The following ADGRA3 variants were observed in gnomAD, a reference collection of about 807,000 sequenced individuals.
ADGRA3 encodes adhesion G protein-coupled receptor A3.
In ADGRA3, 56 loss-of-function variants were observed where a neutral mutation model predicts 119.8. That is an observed-to-expected ratio of 0.47 (90% CI 0.38 to 0.58). The LOEUF is 0.58. Ranked by LOEUF, ADGRA3 falls within the 20% of genes least tolerant of loss-of-function variation. The probability of loss-of-function intolerance (pLI) is 0.00; values close to 1 mark genes in which losing one functional copy is unlikely to be tolerated. For missense variants in ADGRA3, 1,516 were observed against 1,649.0 expected (o/e 0.92, Z 1.40); for synonymous variants, 607 against 623.8 (o/e 0.97, Z 0.40).
At chr4:22,478,655 T>C (rs1718139396) in intron 1 of ADGRA3, among the ~76,000 whole-genome samples, 3 of 152,098 alleles carry the variant, frequency 2.0e-5, no homozygotes. Context: ...AAAAAAGTGT[T>C]TGTGGTTGTA....
At chr4:22,462,044 T>C (rs2109102685) in intron 2 of ADGRA3, among the ~76,000 whole-genome samples, 1 of 152,256 alleles carries the variant, frequency 6.6e-6, no homozygotes, top group Non-Finnish European at 1.5e-5. Flanking sequence ...AAAATATACG[T>C]CATAAAAGAA....
At chr4:22,514,405 T>G (rs1347825305) in intron 1 of ADGRA3, 1 of 152,146 alleles carries the variant, frequency 6.6e-6, no homozygotes, top group Non-Finnish European at 1.5e-5. Context: ...GTTTCCTAAT[T>G]CAAAAAATGG....
At chr4:22,399,997 T>C (rs1714543209) in intron 16 of ADGRA3, among the ~76,000 whole-genome samples, 2 of 152,208 alleles carry the variant, frequency 1.3e-5, no homozygotes, top group South Asian at 4.1e-4. Context: ...TGAACATTTT[T>C]CATTATTTCT....
chr4:22,465,928 C>T (rs1717641586), intron 2 of ADGRA3, among the ~76,000 whole-genome samples: 1 of 152,068 alleles, frequency 6.6e-6, no homozygotes, highest in Admixed American at 6.6e-5. Context: ...TATGTGGTAA[C>T]CCCCACCCTT....
At chr4:22,455,058 A>G in intron 3 of ADGRA3, 121 bp from the exon 4 acceptor site, 1 of 690,712 alleles carries the variant, frequency 1.4e-6, no homozygotes. Flanking sequence ...AGCAACTTTG[A>G]GATATTTACT....
At chr4:22,411,779 C>T (rs200270181) in intron 14 of ADGRA3, among the ~76,000 whole-genome samples, 1 of 151,936 alleles carries the variant, frequency 6.6e-6, no homozygotes, top group African/African-American at 2.4e-5. Context: ...TACAAATATA[C>T]AAATATAGCC....
At chr4:22,489,494 T>C (rs879425623) in intron 1 of ADGRA3, among the ~76,000 whole-genome samples, 20 of 152,012 alleles carry the variant, frequency 1.3e-4, no homozygotes, top group Non-Finnish European at 2.4e-4. Flanking sequence ...AACAAAAACA[T>C]AATGTATAAA....
chr4:22,435,521 C>T (rs1716360535), intron 9 of ADGRA3, 55 bp from the exon 10 acceptor site: 5 of 1,436,876 alleles, frequency 3.5e-6, no homozygotes, highest in Non-Finnish European at 4.8e-6. Context: ...AAATGATCAA[C>T]ACAATCCTGA....
chr4:22,453,396 C>T (rs1482588338), intron 4 of ADGRA3, among the ~76,000 whole-genome samples: 1 of 152,072 alleles, frequency 6.6e-6, no homozygotes, highest in East Asian at 1.9e-4. Flanking sequence ...AGGCCATATA[C>T]CTTTCCCTGA....
intron 1 of ADGRA3, among the ~76,000 whole-genome samples, chr4:22,509,288 G>A (rs1373339120): frequency 1.3e-5 from 2 of 151,914 alleles, no homozygotes; most frequent in African/African-American, 4.8e-5. Context: ...AGATCACGAG[G>A]TCAGCAGTTC....
At chr4:22,472,385 A>AT (rs1202491617) in intron 2 of ADGRA3, among the ~76,000 whole-genome samples, 11 of 152,192 alleles carry the variant, frequency 7.2e-5, no homozygotes, top group African/African-American at 2.7e-4. Context: ...TGGAATGTGT[A>AT]TGAAGGACCG....
At chr4:22,478,458 T>C (rs1047074926) in intron 1 of ADGRA3, among the ~76,000 whole-genome samples, 2 of 152,186 alleles carry the variant, frequency 1.3e-5, no homozygotes, top group Admixed American at 6.5e-5. Flanking sequence ...TTTAAAAATA[T>C]ATTTCAAGAG....
intron 1 of ADGRA3, among the ~76,000 whole-genome samples, chr4:22,487,047 GGCTATTGT>G (rs1277821933): frequency 2.6e-5 from 4 of 152,162 alleles, no homozygotes; most frequent in East Asian, 3.9e-4. Context: ...AACCAGGCTG[GGCTATTGT>G]GCTCTCTCCT....
At chr4:22,421,488 G>A (rs992990135) in intron 11 of ADGRA3, among the ~76,000 whole-genome samples, 14 of 152,266 alleles carry the variant, frequency 9.2e-5, no homozygotes, top group Admixed American at 3.3e-4. Context: ...AAGAATGAGA[G>A]CTAAATATTA....
At chr4:22,475,752 A>G (rs909282242) in intron 1 of ADGRA3, among the ~76,000 whole-genome samples, 1 of 152,010 alleles carries the variant, frequency 6.6e-6, no homozygotes, top group African/African-American at 2.4e-5. Flanking sequence ...TAAATAAAAA[A>G]AAAAGAATGA....
At chr4:22,499,930 T>A (rs964570959) in intron 1 of ADGRA3, among the ~76,000 whole-genome samples, 2 of 152,154 alleles carry the variant, frequency 1.3e-5, no homozygotes, top group Non-Finnish European at 2.9e-5. Context: ...TGTTTCTGAT[T>A]TCGCCTTTTT....
chr4:22,515,479 T>G lies in ADGRA3; in HGVS notation c.257+49A>C, dbSNP rs772961393. The G allele has an allele frequency of 3.2e-6, 5 of 1,574,640 alleles. No individual in the cohort carries two copies. In the African/African-American group the frequency reaches 4.2e-5, roughly 13 times the overall value. On this transcript the variant is annotated intron_variant, in intron 1 of 18. Coordinates refer to ENST00000334304, the MANE Select transcript of ADGRA3 (RefSeq NM_145290.4). ...CCTGCTCCAAAGTTGAGCGGAGAGA[T>G]AAGAAAGAGCCGAGCGGGAGAGGAC...
intron 14 of ADGRA3, among the ~76,000 whole-genome samples, chr4:22,404,414 C>T (rs1376303433): frequency 1.3e-5 from 2 of 152,156 alleles, no homozygotes; most frequent in Admixed American, 1.3e-4. Flanking sequence ...ACAAACTCCT[C>T]ACCTTGTCAA....
rs180685512 is a variant in ADGRA3, at chr4:22,401,990, C to G, written c.2358-436G>C. On this transcript the variant is annotated intron_variant, in intron 15 of 18. Transcript: ENST00000334304. ...CTCAATGCATTTCTTCCTGGACTTT[C>G]ATAATAAAATGTTGAAGTCTTTCTT... 6.6e-5 allele frequency among the ~76,000 whole-genome samples: 10 copies of G among 152,182 alleles called. No homozygotes were observed. In the East Asian group the frequency reaches 1.9e-3, roughly 29 times the overall value.
Sources: gnomAD v4.1 joint callset for allele counts (sites outside exome capture counted in the v4.1 genomes callset) on GRCh38, gnomAD v4.1.1 for gene constraint, MANE v1.5 for transcripts, NCBI Gene and HGNC (gene_info 2026-07-23, HGNC 2026-07-21) for gene names.